Variants in ROBO2 observed in about 807,000 individuals in gnomAD.
ROBO2 encodes roundabout guidance receptor 2.
Under a neutral mutation model 160.8 loss-of-function variants are expected in ROBO2, and 53 were observed. The observed-to-expected ratio is 0.33, with a 90% confidence interval of 0.26 to 0.41. The LOEUF is 0.41. ROBO2 is among the 10% of genes least tolerant of loss of function. The pLI, the probability that ROBO2 is intolerant of heterozygous loss-of-function variation, is 1.00. For synonymous variants in ROBO2, 664 were observed against 611.7 expected, an observed-to-expected ratio of 1.09 and a Z score of -1.26; for missense variants, 1,577 against 1,722.4, an observed-to-expected ratio of 0.92 and a Z score of 1.49.
intron 1 of ROBO2, among the ~76,000 whole-genome samples, chr3:75,936,202 T>G (rs1054768038): frequency 2.0e-5 from 3 of 152,204 alleles, no homozygotes; most frequent in Non-Finnish European, 4.4e-5. Flanking sequence ...AATTTCTCTT[T>G]AGCTCTGATA....
chr3:76,147,595 A>G (rs927729097), intron 2 of ROBO2, among the ~76,000 whole-genome samples: 7 of 152,090 alleles, frequency 4.6e-5, no homozygotes, highest in African/African-American at 9.7e-5. Flanking sequence ...GCAGCCTACA[A>G]TAGCTGGTTC....
At chr3:76,796,494 A>G (rs1464814016) in intron 2 of ROBO2, among the ~76,000 whole-genome samples, 1 of 133,454 alleles carries the variant, frequency 7.5e-6, no homozygotes, top group African/African-American at 3.3e-5. Flanking sequence ...GAAGGAAGGA[A>G]GGAAGGAAAG....
At chr3:76,815,245 C>T (rs2065560569) in intron 2 of ROBO2, among the ~76,000 whole-genome samples, 2 of 151,786 alleles carry the variant, frequency 1.3e-5, no homozygotes, top group African/African-American at 4.8e-5. Context: ...AAGAATAACA[C>T]AACAAATATC....
intron 2 of ROBO2, among the ~76,000 whole-genome samples, chr3:77,149,179 T>A (rs1316654304): frequency 6.6e-6 from 1 of 151,378 alleles, no homozygotes; most frequent in Non-Finnish European, 1.5e-5. Flanking sequence ...GGACAACAGG[T>A]GCACGCCACC....
At chr3:76,871,167 T>C (rs753918528) in intron 2 of ROBO2, among the ~76,000 whole-genome samples, 4 of 152,238 alleles carry the variant, frequency 2.6e-5, no homozygotes, top group Non-Finnish European at 4.4e-5. Context: ...CATCACTCAC[T>C]ATTTCAAATT....
intron 2 of ROBO2, among the ~76,000 whole-genome samples, chr3:76,024,540 A>G (rs898628349): frequency 6.6e-6 from 1 of 151,610 alleles, no homozygotes; most frequent in Non-Finnish European, 1.5e-5. Context: ...GATGACTATA[A>G]CATGCAAATT....
At chr3:76,533,304 G>A (rs776289834) in intron 2 of ROBO2, among the ~76,000 whole-genome samples, 5 of 152,172 alleles carry the variant, frequency 3.3e-5, no homozygotes, top group African/African-American at 4.8e-5. Flanking sequence ...TTTTATTTCT[G>A]TGAAGACAAC....
chr3:76,530,070 A>G (rs1442936481), intron 2 of ROBO2, among the ~76,000 whole-genome samples: 1 of 152,108 alleles, frequency 6.6e-6, no homozygotes, highest in African/African-American at 2.4e-5. Flanking sequence ...CTTTCTGGCC[A>G]CAGATGAACT....
chr3:76,033,160 A>G (rs948793964), intron 2 of ROBO2, among the ~76,000 whole-genome samples: 4 of 151,876 alleles, frequency 2.6e-5, no homozygotes, highest in African/African-American at 2.4e-5. Context: ...CTCAGGGGGG[A>G]AAAATATGGT....
At chr3:76,220,286 C>A (rs1227066878) in intron 2 of ROBO2, among the ~76,000 whole-genome samples, 2 of 151,512 alleles carry the variant, frequency 1.3e-5, no homozygotes, top group African/African-American at 2.4e-5. Context: ...ATGTAACAAG[C>A]CTGCACATTG....
exon 19 of ROBO2, chr3:77,596,685 C>T: frequency 6.2e-7 from 1 of 1,613,950 alleles, no homozygotes; most frequent in Non-Finnish European, 8.5e-7. Flanking sequence ...TCTTGGCCAG[C>T]CACGAGCTTG....
At chr3:76,426,567 G>A (rs542228874) in intron 2 of ROBO2, among the ~76,000 whole-genome samples, 14 of 152,236 alleles carry the variant, frequency 9.2e-5, no homozygotes, top group East Asian at 3.9e-4. Flanking sequence ...AAATCAGACC[G>A]TAAGGGAAAG....
At chr3:77,589,127 T>C (rs1186208923) in intron 17 of ROBO2, among the ~76,000 whole-genome samples, 194 bp downstream of exon 18, 1 of 152,122 alleles carries the variant, frequency 6.6e-6, no homozygotes, top group Non-Finnish European at 1.5e-5. Context: ...AGGCAGTCTG[T>C]TTGCTTGTAG....
At chr3:76,253,693 GA>G (rs1305131199) in intron 2 of ROBO2, among the ~76,000 whole-genome samples, 1 of 151,182 alleles carries the variant, frequency 6.6e-6, no homozygotes, top group Non-Finnish European at 1.5e-5. Flanking sequence ...ATTGTTTACA[GA>G]AAAAGGTAAG....
chr3:77,021,141 C>T (rs1250328847), intron 2 of ROBO2, among the ~76,000 whole-genome samples: 2 of 151,988 alleles, frequency 1.3e-5, no homozygotes, highest in Non-Finnish European at 2.9e-5. Context: ...GTCGAGGTTG[C>T]AGTGAGCTAT....
At chr3:76,099,334 G>A (rs1047182791) in intron 2 of ROBO2, among the ~76,000 whole-genome samples, 1 of 151,540 alleles carries the variant, frequency 6.6e-6, no homozygotes, top group Non-Finnish European at 1.5e-5. Context: ...GTGTCTCTGT[G>A]GACTCCTTGA....
intron 6 of ROBO2, among the ~76,000 whole-genome samples, chr3:77,544,149 C>G (rs1326853873): frequency 2.7e-5 from 4 of 148,944 alleles, no homozygotes; most frequent in Admixed American, 2.7e-4. Context: ...GGTGGTTTCA[C>G]ATTTCTATTG....
At chr3:76,595,789 G>A (rs890393490) in intron 2 of ROBO2, among the ~76,000 whole-genome samples, 1 of 152,020 alleles carries the variant, frequency 6.6e-6, no homozygotes, top group Non-Finnish European at 1.5e-5. Context: ...TAGCACAAAA[G>A]AACCCAAAGA....
At chr3:77,378,231 C>T (rs1039680368) in intron 2 of ROBO2, among the ~76,000 whole-genome samples, 1 of 152,130 alleles carries the variant, frequency 6.6e-6, no homozygotes, top group African/African-American at 2.4e-5. Context: ...GTATCGTTCT[C>T]CCTAACTTGA....
Sources: allele counts gnomAD v4.1 joint callset (sites outside exome capture counted in the v4.1 genomes callset), GRCh38; gene constraint gnomAD v4.1.1; transcripts MANE v1.5; gene names NCBI Gene and HGNC (gene_info 2026-07-23, HGNC 2026-07-21).